Variants in SLC16A10 observed in about 807,000 individuals in gnomAD.
SLC16A10 encodes the protein monocarboxylate transporter 10.
SLC16A10 carries 27 observed loss-of-function variants against 40.0 expected under a neutral mutation model. The ratio of observed to expected loss-of-function variants is 0.67; its 90% CI spans 0.50 to 0.93. SLC16A10 has a LOEUF of 0.93. Among genes scored for constraint, SLC16A10 ranks in the 40% least tolerant of loss-of-function variants. SLC16A10 has a pLI of 0.00. For missense variants in SLC16A10, 529 were observed against 658.2 expected (o/e 0.80, Z 2.15); for synonymous variants, 213 against 249.8 (o/e 0.85, Z 1.39).
rs533998092 is a variant in SLC16A10 at position 111,146,783 on chromosome 6, C to T, written c.344-25912C>T. On this transcript the variant is annotated intron_variant, in intron 1 of 5. Transcript: ENST00000368851. Reference sequence around the variant, plus strand: ...ACAGAAAAACTTGTACATAGATGTTCATAGTAGTATTCCAATAAACATGCC... The same window carrying T: ...ACAGAAAAACTTGTACATAGATGTTTATAGTAGTATTCCAATAAACATGCC... Among the ~76,000 whole-genome samples the T allele has an allele frequency of 2.2e-3, 336 of 152,064 alleles. 3 individuals are homozygous for T. Among genetic ancestry groups the T allele is most frequent in the South Asian group, 3.7e-3 (18 of 4,826 alleles).
intron 1 of SLC16A10, among the ~76,000 whole-genome samples, chr6:111,128,027 T>C (rs1771707071): frequency 6.6e-6 from 1 of 152,136 alleles, no homozygotes; most frequent in Non-Finnish European, 1.5e-5. Context: ...CTGCCTTTGC[T>C]CTGAGGCTTT....
At chr6:111,220,210 T>C (rs1310014422) in intron 5 of SLC16A10, among the ~76,000 whole-genome samples, 4 of 152,244 alleles carry the variant, frequency 2.6e-5, no homozygotes, top group Non-Finnish European at 2.9e-5. Flanking sequence ...AAGTAACTAC[T>C]TAATTGGAAT....
At chr6:111,101,211 T>C (rs1771182855) in intron 1 of SLC16A10, among the ~76,000 whole-genome samples, 1 of 151,688 alleles carries the variant, frequency 6.6e-6, no homozygotes, top group Admixed American at 6.6e-5. Context: ...TTGTATTTTT[T>C]TGTAGAGACA....
At chr6:111,139,079 T>TTTG (rs1379331461) in intron 1 of SLC16A10, among the ~76,000 whole-genome samples, 2 of 51,190 alleles carry the variant, frequency 3.9e-5, no homozygotes, top group East Asian at 8.1e-4. Context: ...TGGCTTTTTT[T>TTTG]TTTCTTCTTC....
At chr6:111,201,688 TAC>T (rs1292689586) in intron 3 of SLC16A10, among the ~76,000 whole-genome samples, 2 of 152,218 alleles carry the variant, frequency 1.3e-5, no homozygotes, top group Non-Finnish European at 2.9e-5. Context: ...ATGGCCAAAT[TAC>T]ACAGTCTTAG....
intron 1 of SLC16A10, among the ~76,000 whole-genome samples, chr6:111,105,747 G>A (rs746220253): frequency 6.6e-6 from 1 of 152,200 alleles, no homozygotes; most frequent in Non-Finnish European, 1.5e-5. Flanking sequence ...GTGTGCGGGC[G>A]TGTGTGTTGA....
chr6:111,144,748 A>G (rs982145132), intron 1 of SLC16A10, among the ~76,000 whole-genome samples: 11 of 152,276 alleles, frequency 7.2e-5, no homozygotes, highest in Admixed American at 4.6e-4. Context: ...AGGTACATCC[A>G]TATGTCAAGA....
rs1771023280 is a variant in SLC16A10 at position 111,227,504 on chromosome 6, CT to C, written c.*5272del. ...AAGACTCCTGGAAAATTCATGACAT[CT>C]TTGAATCACTCAGAAAAATCTTGAA... On this transcript the variant is annotated 3_prime_UTR_variant, in exon 6 of 6. Transcript: ENST00000368851. The C allele has an allele frequency of 6.6e-6, 1 of 152,196 alleles. No individual in the cohort carries two copies. The highest frequency in any genetic ancestry group is 2.1e-4 in the South Asian group (1 of 4,834). The allele number at this position is 152,196 out of a possible 1,614,324, so 9.4% of individuals were successfully genotyped here.
chr6:111,130,644 C>T lies in SLC16A10; in HGVS notation c.344-42051C>T, dbSNP rs1031672447. 2.6e-5 allele frequency among the ~76,000 whole-genome samples: 4 copies of T among 152,204 alleles called. No individual in the cohort carries two copies. In the East Asian group the frequency reaches 7.7e-4, roughly 29 times the overall value. On this transcript the variant is annotated intron_variant, in intron 1 of 5. Transcript: ENST00000368851. ...CACTTCTGCTGCTACTTACCAGCAC[C>T]TCTGTTTCCTCGAGTGTGTTACCCT...
chr6:111,227,611 G>A lies in SLC16A10; in HGVS notation c.*5376G>A, dbSNP rs1260999149. ...GTAAACTTTGTCTTCACTTCCACAC[G>A]TTCAAGGACACCTCTTTTAAAGTTC... On this transcript the variant is annotated 3_prime_UTR_variant, in exon 6 of 6. Transcript: ENST00000368851. 2.0e-5 allele frequency: 3 copies of A among 152,048 alleles called. No homozygotes were observed. The highest frequency in any genetic ancestry group is 2.0e-4 in the Admixed American group (3 of 15,252). 9.4% of individuals were successfully genotyped at this position (152,048 alleles called of 1,614,324 possible).
intron 1 of SLC16A10, among the ~76,000 whole-genome samples, chr6:111,166,011 A>G (rs556385841): frequency 1.1e-4 from 16 of 152,254 alleles, no homozygotes; most frequent in Admixed American, 4.6e-4. Flanking sequence ...ACCAGTTTGC[A>G]TGGCTGGCTT....
intron 3 of SLC16A10, among the ~76,000 whole-genome samples, chr6:111,192,699 G>C (rs1002177930): frequency 6.6e-6 from 1 of 152,172 alleles, no homozygotes; most frequent in Admixed American, 6.5e-5. Context: ...GGCTGGGGAG[G>C]CCTCACAATC....
At chr6:111,206,496 A>G in intron 3 of SLC16A10, 96 bp from the exon 4 acceptor site, 1 of 1,362,316 alleles carries the variant, frequency 7.3e-7, no homozygotes, top group Non-Finnish European at 1.0e-6. Context: ...GCAAGCCCAT[A>G]ACATTGCAGA....
intron 1 of SLC16A10, among the ~76,000 whole-genome samples, chr6:111,168,924 G>A (rs186697772): frequency 2.0e-5 from 3 of 152,262 alleles, no homozygotes; most frequent in Admixed American, 1.3e-4. Context: ...TACAAGTGGA[G>A]GTTACTCTCA....
intron 2 of SLC16A10, among the ~76,000 whole-genome samples, chr6:111,176,999 T>G (rs1772696055): frequency 6.6e-6 from 1 of 152,112 alleles, no homozygotes; most frequent in South Asian, 2.1e-4. Context: ...ATTTTTCACA[T>G]ATTCAGATTA....
At chr6:111,220,700 C>T (rs1482232029) in intron 5 of SLC16A10, among the ~76,000 whole-genome samples, 1 of 152,240 alleles carries the variant, frequency 6.6e-6, no homozygotes, top group Non-Finnish European at 1.5e-5. Flanking sequence ...AGCCTACAAG[C>T]TTAGTTTTAT....
intron 3 of SLC16A10, among the ~76,000 whole-genome samples, chr6:111,192,014 A>C (rs1323843937): frequency 2.0e-5 from 3 of 152,272 alleles, no homozygotes; most frequent in African/African-American, 7.2e-5. Flanking sequence ...GAAGCGCTTT[A>C]GTTTAATTAG....
intron 3 of SLC16A10, among the ~76,000 whole-genome samples, chr6:111,204,845 C>A (rs1316605601): frequency 6.6e-6 from 1 of 152,104 alleles, no homozygotes; most frequent in Admixed American, 6.5e-5. Flanking sequence ...TGATAATAAT[C>A]GACTGAAGTA....
rs563449906 is a variant in SLC16A10 at position 111,157,421 on chromosome 6, C to T, written c.344-15274C>T. ...GCCTCAGCCTCCTGAGTAGCTGGGA[C>T]TACAGGCACCTGCCACTACGCCCAG... On this transcript the variant is annotated intron_variant, in intron 1 of 5. Transcript: ENST00000368851. Among the ~76,000 whole-genome samples the T allele has an allele frequency of 3.3e-5, 5 of 151,648 alleles. No individual in the cohort carries two copies. In the East Asian group the frequency reaches 9.7e-4, roughly 30 times the overall value.
Sources: gnomAD v4.1 joint callset for allele counts (sites outside exome capture counted in the v4.1 genomes callset) on GRCh38, gnomAD v4.1.1 for gene constraint, MANE v1.5 for transcripts, NCBI Gene and HGNC (gene_info 2026-07-23, HGNC 2026-07-21) for gene names.